Variants in ATF7IP2 observed in about 807,000 individuals in gnomAD.
The protein encoded by ATF7IP2 is activating transcription factor 7-interacting protein 2.
Under a neutral mutation model 64.2 loss-of-function variants are expected in ATF7IP2, and 42 were observed. That is an observed-to-expected ratio of 0.65 (90% CI 0.51 to 0.85). The LOEUF (loss-of-function observed/expected upper bound fraction) is 0.85. Ranked by LOEUF, ATF7IP2 falls within the 40% of genes least tolerant of loss-of-function variation. The pLI is 0.00. For synonymous variants in ATF7IP2, 308 were observed against 272.8 expected (o/e 1.13, Z -1.27); for missense variants, 933 against 784.2 (o/e 1.19, Z -2.27).
chr16:10,440,558 G>T (rs1189396390), intron 8 of ATF7IP2, 96 bp downstream of exon 8: 1 of 737,322 alleles, frequency 1.4e-6, no homozygotes, highest in Non-Finnish European at 2.2e-6. Context: ...AGGACAGAAG[G>T]TGTAAAGGTA....
At chr16:10,400,845 C>G (rs980614010) in intron 1 of ATF7IP2, among the ~76,000 whole-genome samples, 2 of 152,098 alleles carry the variant, frequency 1.3e-5, no homozygotes, top group Non-Finnish European at 2.9e-5. Context: ...CCATGCCCAA[C>G]TAAATTTTGT....
At chr16:10,434,281 C>A (rs76151604) in intron 6 of ATF7IP2, among the ~76,000 whole-genome samples, 1 of 152,148 alleles carries the variant, frequency 6.6e-6, no homozygotes, top group African/African-American at 2.4e-5. Flanking sequence ...TAGCGTGTTT[C>A]AGTTCTAGTA....
At chr16:10,408,069 A>T (rs113018730) in intron 1 of ATF7IP2, among the ~76,000 whole-genome samples, 2,777 of 151,900 alleles carry the variant, frequency 0.018, 73 homozygotes, top group African/African-American at 0.064. Flanking sequence ...GTGCCACCAT[A>T]CCTAGCTAAT....
chr16:10,442,704 G>C (rs973991093), intron 8 of ATF7IP2, among the ~76,000 whole-genome samples: 3 of 152,082 alleles, frequency 2.0e-5, no homozygotes, highest in Admixed American at 6.5e-5. Flanking sequence ...AAAACATTGG[G>C]TTCCTATCAC....
At chr16:10,469,660 A>G (rs1266922357) in intron 9 of ATF7IP2, among the ~76,000 whole-genome samples, 2 of 152,166 alleles carry the variant, frequency 1.3e-5, no homozygotes, top group Non-Finnish European at 2.9e-5. Context: ...CTGTAATCCC[A>G]GCTACTCGGG....
Position 10,483,502 on chromosome 16 carries a change from T to G in ATF7IP2, c.*1253T>G, listed in dbSNP as rs980917284. ...AAGAAACAAAAATAATCCCAACTGT[T>G]TGAAAGTTCGAAAGAGGGGCATTCT... On this transcript the variant is annotated 3_prime_UTR_variant, in exon 14 of 14. Transcript: ENST00000562102. The G allele has an allele frequency of 6.6e-6, 1 of 152,130 alleles. No homozygotes were observed. The highest frequency in any genetic ancestry group is 1.9e-4 in the East Asian group (1 of 5,194). 9.4% of individuals were successfully genotyped at this position (152,130 alleles called of 1,614,324 possible). A position where few individuals can be genotyped will look rare whatever the true frequency, so the allele number is the denominator to read the frequency against.
chr16:10,475,268 G>C (rs2049961159), intron 12 of ATF7IP2, among the ~76,000 whole-genome samples: 1 of 152,222 alleles, frequency 6.6e-6, no homozygotes, highest in Non-Finnish European at 1.5e-5. Flanking sequence ...AAATGGAGTG[G>C]TGTCACGTTA....
At chr16:10,452,405 C>G (rs1248697911) in intron 8 of ATF7IP2, among the ~76,000 whole-genome samples, 1 of 152,174 alleles carries the variant, frequency 6.6e-6, no homozygotes, top group Non-Finnish European at 1.5e-5. Context: ...CCACTCCCGA[C>G]CTTGTTTGCC....
chr16:10,389,855 G>T (rs986090189), intron 1 of ATF7IP2, among the ~76,000 whole-genome samples: 3 of 152,110 alleles, frequency 2.0e-5, no homozygotes, highest in Admixed American at 6.5e-5. Flanking sequence ...ATTACTTCAT[G>T]GTCATTATGA....
intron 8 of ATF7IP2, among the ~76,000 whole-genome samples, chr16:10,451,303 T>C (rs1381686529): frequency 6.6e-6 from 1 of 152,196 alleles, no homozygotes; most frequent in Non-Finnish European, 1.5e-5. Context: ...TTAGGGTTGC[T>C]CTTCTCCAGG....
intron 12 of ATF7IP2, among the ~76,000 whole-genome samples, chr16:10,475,084 C>T (rs1296003621): frequency 6.6e-6 from 1 of 151,946 alleles, no homozygotes; most frequent in Non-Finnish European, 1.5e-5. Flanking sequence ...GCCAGCAGAC[C>T]TTTGCTATCA....
chr16:10,435,635 A>C (rs181121324), intron 6 of ATF7IP2, among the ~76,000 whole-genome samples: 138 of 152,326 alleles, frequency 9.1e-4, no homozygotes, highest in African/African-American at 3.2e-3. Flanking sequence ...AAAATGATCA[A>C]ATTTAAGGAC....
At chr16:10,465,513 G>A (rs1274312398) in intron 9 of ATF7IP2, among the ~76,000 whole-genome samples, 5 of 151,616 alleles carry the variant, frequency 3.3e-5, no homozygotes, top group African/African-American at 9.7e-5. Flanking sequence ...TTGGGAGGCC[G>A]AGGCTCCTGA....
intron 1 of ATF7IP2, among the ~76,000 whole-genome samples, chr16:10,413,299 C>A (rs184397674): frequency 6.6e-6 from 1 of 152,106 alleles, no homozygotes; most frequent in Admixed American, 6.6e-5. Flanking sequence ...ATGCTATTCT[C>A]GTGATAGTGA....
Position 10,482,933 on chromosome 16 carries a change from C to G in ATF7IP2, c.*684C>G, listed in dbSNP as rs1171481134. 6.6e-6 allele frequency: 1 copy of G among 152,212 alleles called. No individual in the cohort carries two copies. Among genetic ancestry groups the G allele is most frequent in the Non-Finnish European group, 1.5e-5 (1 of 68,070 alleles). 9.4% of individuals were successfully genotyped at this position (152,212 alleles called of 1,614,324 possible). On this transcript the variant is annotated 3_prime_UTR_variant, in exon 14 of 14. Coordinates refer to ENST00000562102, the MANE Select transcript of ATF7IP2 (RefSeq NM_001393719.1). ...TTCACCTTGTTGGTCAGGCTGGTCTCAAACTCCTGACCTCAGGGGATCCAC... is the reference window on the plus strand; with the variant it reads ...TTCACCTTGTTGGTCAGGCTGGTCTGAAACTCCTGACCTCAGGGGATCCAC...
chr16:10,425,225 GT>G (rs35528504), intron 3 of ATF7IP2, among the ~76,000 whole-genome samples: 17,273 of 134,636 alleles, frequency 0.13, 1,030 homozygotes, highest in African/African-American at 0.19. Context: ...TGCCTGGCTA[GT>G]TTTTTTTTTT....
intron 1 of ATF7IP2, among the ~76,000 whole-genome samples, chr16:10,394,534 G>T: frequency 6.6e-6 from 1 of 152,266 alleles, no homozygotes; most frequent in East Asian, 1.9e-4. Context: ...AGACTTAAGA[G>T]ATATCTTTGA....
chr16:10,390,477 G>C (rs1026252305), intron 1 of ATF7IP2, among the ~76,000 whole-genome samples: 16 of 152,096 alleles, frequency 1.1e-4, no homozygotes, highest in African/African-American at 3.9e-4. Context: ...AGCTTTAAGT[G>C]AGAAATTAGA....
rs113208044 is a variant in ATF7IP2, at chr16:10,481,736, T to C, written c.1636-100T>C. 2.6e-5 allele frequency: 28 copies of C among 1,063,246 alleles called. 1 individual carries two copies. The African/African-American group carries it at 2.9e-4, about 11-fold the overall frequency. 65.9% of individuals were successfully genotyped at this position (1,063,246 alleles called of 1,614,324 possible). ...CCTCACATATTACTGAAATATCCTT[T>C]TATTATTTTGATAAATGGATTGAAG... On this transcript the variant is annotated intron_variant, in intron 13 of 13. Coordinates refer to ENST00000562102, the MANE Select transcript of ATF7IP2 (RefSeq NM_001393719.1).
Sources: allele counts gnomAD v4.1 joint callset (sites outside exome capture counted in the v4.1 genomes callset), GRCh38; gene constraint gnomAD v4.1.1; transcripts MANE v1.5; gene names NCBI Gene and HGNC (gene_info 2026-07-23, HGNC 2026-07-21).